The following DAB1 variants were observed in gnomAD, a reference collection of about 807,000 sequenced individuals.
The protein encoded by DAB1 is disabled homolog 1.
A neutral mutation model predicts 64.6 loss-of-function variants in DAB1; 15 were observed. The observed-to-expected ratio is 0.23, with a 90% CI of 0.16 to 0.36. The LOEUF is 0.36. DAB1 is among the 10% of genes least tolerant of loss of function. The pLI, the probability that DAB1 is intolerant of heterozygous loss-of-function variation, is 1.00. For missense variants in DAB1, 596 were observed against 706.7 expected, an observed-to-expected ratio of 0.84 and a Z score of 1.78; for synonymous variants, 235 against 251.9, an observed-to-expected ratio of 0.93 and a Z score of 0.64.
chr1:58,529,998 A>G (rs1453681407), intron 1 of DAB1, among the ~76,000 whole-genome samples: 1 of 151,906 alleles, frequency 6.6e-6, no homozygotes, highest in Non-Finnish European at 1.5e-5. Context: ...CTCCTGCCTC[A>G]GCCTCCCAAG....
intron 7 of DAB1, among the ~76,000 whole-genome samples, chr1:57,594,885 T>G (rs1645488336): frequency 6.6e-6 from 1 of 151,950 alleles, no homozygotes; most frequent in South Asian, 2.1e-4. Context: ...TAATTTTTTG[T>G]ATTTGTAGTA....
chr1:57,479,378 G>A (rs959320121), intron 7 of DAB1, among the ~76,000 whole-genome samples: 4 of 151,172 alleles, frequency 2.6e-5, no homozygotes, highest in Non-Finnish European at 4.4e-5. Flanking sequence ...GGATCTAGGT[G>A]AGGAGGTTAC....
At chr1:58,415,565 G>A (rs1358143502) in intron 3 of DAB1, 2 of 169,116 alleles carry the variant, frequency 1.2e-5, no homozygotes, top group Non-Finnish European at 1.2e-5. Flanking sequence ...GCATTCAGAA[G>A]TTTATTTATT....
At chr1:58,365,180 C>T (rs932662070) in intron 3 of DAB1, among the ~76,000 whole-genome samples, 1 of 152,182 alleles carries the variant, frequency 6.6e-6, no homozygotes, top group Non-Finnish European at 1.5e-5. Flanking sequence ...CTCTCAGCTT[C>T]CAAATCAATG....
At chr1:57,526,910 CTATAT>C (rs1466163900) in intron 7 of DAB1, among the ~76,000 whole-genome samples, 1 of 152,028 alleles carries the variant, frequency 6.6e-6, no homozygotes, top group Non-Finnish European at 1.5e-5. Context: ...ATTATAATGA[CTATAT>C]TATGAGTATT....
chr1:57,359,676 C>T (rs187685010), intron 1 of DAB1, among the ~76,000 whole-genome samples: 5 of 151,908 alleles, frequency 3.3e-5, no homozygotes, highest in African/African-American at 7.2e-5. Context: ...AGCCAAGATA[C>T]GGAGACAACC....
chr1:58,451,232 G>A (rs1290794232), intron 3 of DAB1, among the ~76,000 whole-genome samples: 1 of 152,164 alleles, frequency 6.6e-6, no homozygotes, highest in Non-Finnish European at 1.5e-5. Context: ...GGGGACGGTA[G>A]GCACATGCCA....
At chr1:57,075,942 G>A (rs1044088123) in intron 4 of DAB1, among the ~76,000 whole-genome samples, 5 of 152,202 alleles carry the variant, frequency 3.3e-5, no homozygotes, top group African/African-American at 1.2e-4. Context: ...TGGGTAAGGG[G>A]AGAGAACTGA....
At chr1:57,823,879 C>T (rs1652233696), downstream of DAB1, among the ~76,000 whole-genome samples, 1 of 152,130 alleles carries the variant, frequency 6.6e-6, no homozygotes, top group Non-Finnish European at 1.5e-5. Flanking sequence ...AAGGCCTTAC[C>T]AGCTAGCAAA....
intron 6 of DAB1, among the ~76,000 whole-genome samples, chr1:57,669,984 A>G (rs940036840): frequency 6.6e-6 from 1 of 152,162 alleles, no homozygotes; most frequent in Non-Finnish European, 1.5e-5. Context: ...AAATATAACG[A>G]TATTGGTACA....
intron 9 of DAB1, among the ~76,000 whole-genome samples, chr1:57,055,619 T>C (rs1649669537): frequency 6.6e-6 from 1 of 152,172 alleles, no homozygotes; most frequent in Non-Finnish European, 1.5e-5. Flanking sequence ...AAATTCTAAC[T>C]TCTGCCCTAA....
chr1:57,643,775 T>C (rs571023319), intron 7 of DAB1, among the ~76,000 whole-genome samples: 6 of 152,200 alleles, frequency 3.9e-5, no homozygotes, highest in Non-Finnish European at 5.9e-5. Flanking sequence ...TGGTCACAAT[T>C]GGAACTTCCC....
At chr1:57,821,316 T>A (rs1652108684), downstream of DAB1, among the ~76,000 whole-genome samples, 1 of 151,798 alleles carries the variant, frequency 6.6e-6, no homozygotes, top group Non-Finnish European at 1.5e-5. Flanking sequence ...ATAATAATAA[T>A]AAAAAAAGCA....
At chr1:57,622,064 G>A (rs543383841) in intron 7 of DAB1, among the ~76,000 whole-genome samples, 4 of 152,286 alleles carry the variant, frequency 2.6e-5, no homozygotes, top group South Asian at 4.1e-4. Flanking sequence ...ATTTATACTC[G>A]ACTATTAAAG....
chr1:58,308,749 G>C (rs1024765611), intron 4 of DAB1, among the ~76,000 whole-genome samples: 7 of 152,130 alleles, frequency 4.6e-5, no homozygotes, highest in African/African-American at 1.7e-4. Flanking sequence ...CTCTCCCTCT[G>C]TGCAGAAATC....
intron 7 of DAB1, among the ~76,000 whole-genome samples, chr1:57,484,693 CAT>C (rs1188292540): frequency 1.3e-5 from 2 of 151,972 alleles, no homozygotes; most frequent in East Asian, 3.9e-4. Context: ...GAGTCACAGA[CAT>C]ATAGATGGCA....
intron 1 of DAB1, among the ~76,000 whole-genome samples, chr1:58,544,246 C>A (rs1452101205): frequency 6.6e-6 from 1 of 152,080 alleles, no homozygotes; most frequent in African/African-American, 2.4e-5. Flanking sequence ...GTATTTTTGA[C>A]CTCTGAACTG....
chr1:57,637,569 C>A (rs1257817513), intron 7 of DAB1, among the ~76,000 whole-genome samples: 1 of 151,960 alleles, frequency 6.6e-6, no homozygotes, highest in African/African-American at 2.4e-5. Context: ...CAAGGCAGGT[C>A]GGCAGGTGAG....
intron 4 of DAB1, among the ~76,000 whole-genome samples, chr1:58,309,717 A>G (rs1041930637): frequency 6.6e-6 from 1 of 152,158 alleles, no homozygotes; most frequent in African/African-American, 2.4e-5. Flanking sequence ...CTTCTTTCCC[A>G]ATAATAATGA....
Sources: allele counts gnomAD v4.1 joint callset (sites outside exome capture counted in the v4.1 genomes callset), GRCh38; gene constraint gnomAD v4.1.1; transcripts MANE v1.5; gene names NCBI Gene and HGNC (gene_info 2026-07-23, HGNC 2026-07-21).